Variants in NBDY observed in about 807,000 individuals in gnomAD.
The protein encoded by NBDY is negative regulator of P-body association.
chrX:56,735,896 A>G lies in NBDY; in HGVS notation c.*166+3697A>G, dbSNP rs780693243. Reference sequence around the variant, plus strand: ...ATTTAGTTGTCTTGAACCAGACAAAAGAAAATTGACATGATTTCAAGATAG... The same window carrying G: ...ATTTAGTTGTCTTGAACCAGACAAAGGAAAATTGACATGATTTCAAGATAG... On this transcript the variant is annotated intron_variant, in intron 2 of 2. Transcript: ENST00000374922. Among the ~76,000 whole-genome samples, 12 of 109,950 alleles carry G rather than the reference A, an allele frequency of 1.1e-4. No individual in the cohort carries two copies. In the South Asian group the frequency reaches 4.4e-3, roughly 41 times the overall value.
chrX:56,808,050 T>C (rs1289271627), intron 2 of NBDY, among the ~76,000 whole-genome samples: 1 of 112,422 alleles, frequency 8.9e-6, no homozygotes, highest in Non-Finnish European at 1.9e-5. Flanking sequence ...TCGGAGGCCT[T>C]TTCTGCATCT....
intron 2 of NBDY, among the ~76,000 whole-genome samples, chrX:56,782,162 A>G (rs2069695800): frequency 9.0e-6 from 1 of 111,211 alleles, no homozygotes; most frequent in Non-Finnish European, 1.9e-5. Flanking sequence ...TTCCTTAACT[A>G]GATCCTTCAG....
At chrX:56,753,137 C>T (rs1020058034) in intron 2 of NBDY, among the ~76,000 whole-genome samples, 2 of 112,372 alleles carry the variant, frequency 1.8e-5, no homozygotes, top group Non-Finnish European at 3.8e-5. Context: ...TGAACACTTG[C>T]TGTGTTAGGC....
In NBDY at chrX:56,818,468, T is replaced by C. The variant is rs1255128595; in HGVS notation, c.*1315T>C. The C allele has an allele frequency of 1.8e-5, 2 of 111,992 alleles. No homozygotes were observed. Among genetic ancestry groups the C allele is most frequent in the African/African-American group, 6.5e-5 (2 of 30,837 alleles). 9.2% of individuals were successfully genotyped at this position (111,992 alleles called of 1,213,427 possible). On this transcript the variant is annotated 3_prime_UTR_variant, in exon 3 of 3. Transcript: ENST00000374922. ...GACAGTTATTTTAAAGATTGTATAA[T>C]ATTACTAATCACACATTAGAGTTTT...
At chrX:56,792,419 C>T (rs1303440951) in intron 2 of NBDY, among the ~76,000 whole-genome samples, 2 of 111,072 alleles carry the variant, frequency 1.8e-5, no homozygotes, top group Non-Finnish European at 3.8e-5. Flanking sequence ...GGCAGGGTGT[C>T]TCTGCCACGT....
At chrX:56,741,615 A>G (rs145813436) in intron 2 of NBDY, among the ~76,000 whole-genome samples, 1 of 112,054 alleles carries the variant, frequency 8.9e-6, no homozygotes, top group East Asian at 2.8e-4. Flanking sequence ...ACTTTTTCAC[A>G]TGCCTGTTTG....
In NBDY at chrX:56,802,506, G is replaced by C. The variant is rs192490687; in HGVS notation, c.*167-14814G>C. Among the ~76,000 whole-genome samples, 6 of 103,627 alleles carry C rather than the reference G, an allele frequency of 5.8e-5. No homozygotes were observed. The East Asian group carries it at 1.9e-3, about 32-fold the overall frequency. The allele number at this position is 103,627 out of a possible 115,157, so 90.0% of individuals were successfully genotyped here. ...GTCAGTTGCTGAGTATCCCCTCTGA[G>C]GGAGATTCCTGCCACACGCCCTGTG... On this transcript the variant is annotated intron_variant, in intron 2 of 2. Transcript: ENST00000374922.
chrX:56,785,261 C>T (rs1465949131), intron 2 of NBDY, among the ~76,000 whole-genome samples: 1 of 111,101 alleles, frequency 9.0e-6, no homozygotes, highest in Non-Finnish European at 1.9e-5. Flanking sequence ...TGCTTCTGCC[C>T]CTTCCTAGGG....
chrX:56,804,293 C>T (rs780192087), intron 2 of NBDY, among the ~76,000 whole-genome samples: 2 of 112,014 alleles, frequency 1.8e-5, no homozygotes, highest in East Asian at 2.8e-4. Flanking sequence ...AGAAGAAGGT[C>T]GGGCCAGGTG....
chrX:56,749,361 T>A (rs2069572078), intron 2 of NBDY, among the ~76,000 whole-genome samples: 1 of 111,244 alleles, frequency 9.0e-6, no homozygotes, highest in Non-Finnish European at 1.9e-5. Context: ...TGAATTGAAC[T>A]CCATTCTATA....
chrX:56,740,110 C>T (rs2069524359), intron 2 of NBDY, among the ~76,000 whole-genome samples: 1 of 111,481 alleles, frequency 9.0e-6, no homozygotes, highest in African/African-American at 3.3e-5. Context: ...CAAGTTGGCT[C>T]CCCTGTCTTT....
intron 2 of NBDY, among the ~76,000 whole-genome samples, chrX:56,793,488 T>TTTTTTA (rs1431603352): frequency 9.1e-6 from 1 of 110,417 alleles, no homozygotes; most frequent in Non-Finnish European, 1.9e-5. Flanking sequence ...TCTCCTTGTC[T>TTTTTTA]TTTTTTTCTC....
chrX:56,743,991 G>A (rs189574171), intron 2 of NBDY, among the ~76,000 whole-genome samples: 99 of 109,516 alleles, frequency 9.0e-4, no homozygotes, highest in Middle Eastern at 4.7e-3. Context: ...GCTTTATCCC[G>A]TAGGTTTTTG....
At chrX:56,765,970 G>A (rs1010462969) in intron 2 of NBDY, among the ~76,000 whole-genome samples, 4 of 111,425 alleles carry the variant, frequency 3.6e-5, no homozygotes, top group African/African-American at 1.3e-4. Context: ...AATTAGGCCT[G>A]GAGAAAGCTT....
At chrX:56,740,169 T>G (rs1375505440) in intron 2 of NBDY, among the ~76,000 whole-genome samples, 1 of 111,836 alleles carries the variant, frequency 8.9e-6, no homozygotes, top group Non-Finnish European at 1.9e-5. Flanking sequence ...CTTTAAAATT[T>G]TTTTACTTCC....
At chrX:56,767,485 T>G (rs979336882) in intron 2 of NBDY, among the ~76,000 whole-genome samples, 1 of 112,106 alleles carries the variant, frequency 8.9e-6, no homozygotes, top group African/African-American at 3.2e-5. Context: ...TGCGGGGAGG[T>G]GTGGAGGGAG....
intron 2 of NBDY, among the ~76,000 whole-genome samples, chrX:56,765,776 C>T (rs2069662464): frequency 9.1e-6 from 1 of 110,236 alleles, no homozygotes; most frequent in African/African-American, 3.3e-5. Context: ...CTTTTTCCTC[C>T]TTCTACTCCT....
chrX:56,739,352 G>A lies in NBDY; in HGVS notation c.*166+7153G>A, dbSNP rs186324618. Among the ~76,000 whole-genome samples, 480 of 98,119 alleles carry A rather than the reference G, an allele frequency of 4.9e-3. 1 individual carries two copies. The highest frequency in any genetic ancestry group is 8.1e-3 in the Non-Finnish European group (397 of 49,090). The allele number at this position is 98,119 out of a possible 115,157, so 85.2% of individuals were successfully genotyped here. ...CTCTCACTTTTATTTCTCTGAAGCT[G>A]TTTCAAAGCTGCTTCAGGAACCAAA... On this transcript the variant is annotated intron_variant, in intron 2 of 2. Coordinates refer to ENST00000374922, the MANE Select transcript of NBDY (RefSeq NM_001348129.2).
intron 2 of NBDY, among the ~76,000 whole-genome samples, chrX:56,784,594 C>T (rs952048909): frequency 2.7e-5 from 3 of 111,642 alleles, no homozygotes; most frequent in Non-Finnish European, 5.6e-5. Flanking sequence ...ACAGTGCTCG[C>T]CTTCTCCTGG....
Sources: gnomAD v4.1 joint callset for allele counts (sites outside exome capture counted in the v4.1 genomes callset) on GRCh38, gnomAD v4.1.1 for gene constraint, MANE v1.5 for transcripts, NCBI Gene and HGNC (gene_info 2026-07-23, HGNC 2026-07-21) for gene names.